IGF1R: variants seen among roughly 807,000 people sequenced by gnomAD.
IGF1R encodes insulin like growth factor 1 receptor.
In IGF1R, 44 loss-of-function variants were observed where a neutral mutation model predicts 144.6. The ratio of observed to expected loss-of-function variants is 0.30; its 90% CI spans 0.24 to 0.39. The LOEUF (loss-of-function observed/expected upper bound fraction) is 0.39, where lower values mean the gene tolerates loss of function less well. Among genes scored for constraint, IGF1R ranks in the 10% least tolerant of loss-of-function variants. The pLI is 1.00. For missense variants in IGF1R, 1,355 were observed against 1,833.7 expected (o/e 0.74, Z 4.77); for synonymous variants, 795 against 722.8 (o/e 1.10, Z -1.60).
chr15:98,714,056 T>C (rs1424550495), intron 2 of IGF1R, among the ~76,000 whole-genome samples: 7 of 152,096 alleles, frequency 4.6e-5, no homozygotes, highest in Non-Finnish European at 1.5e-5. Context: ...ACCAGGAAAA[T>C]AGCAGATTGG....
intron 20 of IGF1R, among the ~76,000 whole-genome samples, chr15:98,956,450 G>T (rs573054899): frequency 6.6e-6 from 1 of 152,362 alleles, no homozygotes; most frequent in Admixed American, 6.5e-5. Flanking sequence ...GAGCGAGCAC[G>T]TGCTAGATGG....
intron 2 of IGF1R, among the ~76,000 whole-genome samples, chr15:98,800,061 C>G (rs2056329368): frequency 6.6e-6 from 1 of 152,134 alleles, no homozygotes; most frequent in Admixed American, 6.5e-5. Flanking sequence ...TTGAAGAAGG[C>G]TGCTGAGTCT....
intron 1 of IGF1R, among the ~76,000 whole-genome samples, chr15:98,690,357 C>A (rs1382580314): frequency 3.9e-5 from 6 of 152,068 alleles, no homozygotes; most frequent in Admixed American, 3.9e-4. Flanking sequence ...AAAACAAAAA[C>A]ACATGCTTAT....
rs192751296 is a variant in IGF1R, at chr15:98,811,029, G to A, written c.641-80296G>A. On this transcript the variant is annotated intron_variant, in intron 2 of 20. Coordinates refer to ENST00000650285, the MANE Select transcript of IGF1R (RefSeq NM_000875.5). Reference sequence around the variant, plus strand: ...GAAAATTCTTTCTCTGGCTGGACGCGGTGGCTCACGCCTGTAATCCCAGCA... The same window carrying A: ...GAAAATTCTTTCTCTGGCTGGACGCAGTGGCTCACGCCTGTAATCCCAGCA... 1.6e-3 allele frequency among the ~76,000 whole-genome samples: 238 copies of A among 151,980 alleles called. 2 individuals are homozygous for A. Among genetic ancestry groups the A allele is most frequent in the African/African-American group, 5.4e-3 (222 of 41,474 alleles).
At chr15:98,808,642 G>A (rs1036457563) in intron 2 of IGF1R, among the ~76,000 whole-genome samples, 5 of 151,880 alleles carry the variant, frequency 3.3e-5, no homozygotes, top group South Asian at 2.1e-4. Flanking sequence ...CTAGGTCCTC[G>A]CAGGGACTCT....
intron 17 of IGF1R, among the ~76,000 whole-genome samples, chr15:98,937,916 T>TA (rs1236892694): frequency 6.6e-6 from 1 of 152,240 alleles, no homozygotes; most frequent in African/African-American, 2.4e-5. Flanking sequence ...GATTTGGACT[T>TA]ACCCCCAGTG....
Position 98,658,351 on chromosome 15 carries a change from C to G in IGF1R, c.94+8676C>G, listed in dbSNP as rs191111900. Among the ~76,000 whole-genome samples, 219 of 152,298 alleles carry G rather than the reference C, an allele frequency of 1.4e-3. 4 individuals carry two copies. Among genetic ancestry groups the G allele is most frequent in the African/African-American group, 5.1e-3 (212 of 41,560 alleles). The stretch of plus-strand genomic sequence containing the variant: ...GTTTCTCCTTAGCTGCCAATTAGTT[C>G]TTTGGTCCTAAAGTTATTAACTTTT... On this transcript the variant is annotated intron_variant, in intron 1 of 20. Coordinates refer to ENST00000650285, the MANE Select transcript of IGF1R (RefSeq NM_000875.5).
rs2016427341 is a variant in IGF1R, at chr15:98,943,119, C to G, written c.3587+67C>G. On this transcript the variant is annotated intron_variant, in intron 19 of 20. Coordinates refer to ENST00000650285, the MANE Select transcript of IGF1R (RefSeq NM_000875.5). Reference sequence around the variant, plus strand: ...CCTCTGCACTTTCCACCAGCTCAGTCTCTAGGGCTTTATCTTTCTCTGTTC... The same window carrying G: ...CCTCTGCACTTTCCACCAGCTCAGTGTCTAGGGCTTTATCTTTCTCTGTTC... The G allele has an allele frequency of 5.8e-6, 9 of 1,557,368 alleles. No individual in the cohort carries two copies. In the South Asian group the frequency reaches 1.0e-4, roughly 17 times the overall value.
intron 2 of IGF1R, among the ~76,000 whole-genome samples, chr15:98,738,814 G>A (rs1165125698): frequency 3.3e-5 from 5 of 152,068 alleles, no homozygotes; most frequent in Admixed American, 6.5e-5. Context: ...GATTCTTCCC[G>A]CAGCCATGAA....
intron 1 of IGF1R, among the ~76,000 whole-genome samples, chr15:98,688,405 AAC>A (rs1293571730): frequency 1.6e-5 from 2 of 127,988 alleles, no homozygotes; most frequent in Non-Finnish European, 3.4e-5. Flanking sequence ...CTCACCACAC[AAC>A]ACACACCTGT....
chr15:98,957,808 C>T lies in IGF1R; in HGVS notation c.*366C>T, dbSNP rs1567224365. ...TGCTTCATAACGGAAAAATAATTGC[C>T]ACAAGTCCAGCTGGGAAGCCCTTTT... On this transcript the variant is annotated 3_prime_UTR_variant, in exon 21 of 21. Transcript: ENST00000650285. The T allele has an allele frequency of 2.9e-6, 1 of 341,132 alleles. No individual in the cohort carries two copies. The highest frequency in any genetic ancestry group is 5.4e-6 in the Non-Finnish European group (1 of 185,662). The allele number at this position is 341,132 out of a possible 1,614,324, so 21.1% of individuals were successfully genotyped here. A position where few individuals can be genotyped will look rare whatever the true frequency, so the allele number is the denominator to read the frequency against.
chr15:98,671,955 C>T (rs1449382319), intron 1 of IGF1R, among the ~76,000 whole-genome samples: 1 of 152,204 alleles, frequency 6.6e-6, no homozygotes, highest in East Asian at 1.9e-4. Flanking sequence ...GAAAGAACTA[C>T]AGCTTACTCA....
At chr15:98,808,827 GCAC>G (rs1284444100) in intron 2 of IGF1R, among the ~76,000 whole-genome samples, 1 of 152,016 alleles carries the variant, frequency 6.6e-6, no homozygotes. Context: ...CTACAGGTGT[GCAC>G]CACCATGTCT....
intron 2 of IGF1R, among the ~76,000 whole-genome samples, chr15:98,735,281 C>T (rs1387279886): frequency 1.3e-5 from 2 of 152,192 alleles, no homozygotes; most frequent in African/African-American, 4.8e-5. Flanking sequence ...CGGAAAAGAG[C>T]ACTGTGGGTC....
Position 98,689,644 on chromosome 15 carries a change from C to T in IGF1R, c.95-17918C>T, listed in dbSNP as rs902569490. On this transcript the variant is annotated intron_variant, in intron 1 of 20. Coordinates refer to ENST00000650285, the MANE Select transcript of IGF1R (RefSeq NM_000875.5). ...AGAATATATTGATTGCAGGCAGGGA[C>T]CTTGCATAGTTTAAAGATGACTCAG... Among the ~76,000 whole-genome samples, 7 of 152,152 alleles carry T rather than the reference C, an allele frequency of 4.6e-5. No homozygotes were observed. In the South Asian group the frequency reaches 1.5e-3, roughly 32 times the overall value.
chr15:98,826,491 G>A (rs1244558547), intron 2 of IGF1R, among the ~76,000 whole-genome samples: 1 of 152,194 alleles, frequency 6.6e-6, no homozygotes, highest in African/African-American at 2.4e-5. Flanking sequence ...TCGTTGAAGG[G>A]CATTTTCAAA....
At chr15:98,730,469 GTTA>G (rs1325581628) in intron 2 of IGF1R, among the ~76,000 whole-genome samples, 1 of 152,134 alleles carries the variant, frequency 6.6e-6, no homozygotes, top group African/African-American at 2.4e-5. Context: ...TAAAAAGGAT[GTTA>G]TTAAGGTCCT....
Position 98,960,571 on chromosome 15 carries a change from G to T in IGF1R, c.*3129G>T, listed in dbSNP as rs2016347. On this transcript the variant is annotated 3_prime_UTR_variant, in exon 21 of 21. Coordinates refer to ENST00000650285, the MANE Select transcript of IGF1R (RefSeq NM_000875.5). ...CGAATCCCCAGGGTAAAGGCGTGGG[G>T]CATTGGGTTTGCTCCCCTTGCTGCT... The T allele has an allele frequency of 0.48, 111,585 of 233,420 alleles. 27,453 individuals carry two copies. The highest frequency in any genetic ancestry group is 0.61 in the South Asian group (3,385 of 5,526). The allele number at this position is 233,420 out of a possible 1,614,324, so 14.5% of individuals were successfully genotyped here.
chr15:98,960,908 C>G lies in IGF1R; in HGVS notation c.*3466C>G. ...GCGCCGAGGCTCGTGGCGTCACGCC[C>G]CCCCCGCCAGGGCTGTACCTCCGTC... On this transcript the variant is annotated 3_prime_UTR_variant, in exon 21 of 21. Transcript: ENST00000650285. 1 of 234,116 alleles carries G rather than the reference C, an allele frequency of 4.3e-6. No individual in the cohort carries two copies. Among genetic ancestry groups the G allele is most frequent in the East Asian group, 6.0e-5 (1 of 16,602 alleles). The allele number at this position is 234,116 out of a possible 1,614,324, so 14.5% of individuals were successfully genotyped here. A position where few individuals can be genotyped will look rare whatever the true frequency, so the allele number is the denominator to read the frequency against.
Sources: allele counts gnomAD v4.1 joint callset (sites outside exome capture counted in the v4.1 genomes callset), GRCh38; gene constraint gnomAD v4.1.1; transcripts MANE v1.5; gene names NCBI Gene and HGNC (gene_info 2026-07-23, HGNC 2026-07-21).